RPS6KA2: variants seen among roughly 807,000 people sequenced by gnomAD.
RPS6KA2 encodes ribosomal protein S6 kinase alpha-2.
In RPS6KA2, 42 loss-of-function variants were observed where a neutral mutation model predicts 91.8. The ratio of observed to expected loss-of-function variants is 0.46; its 90% CI spans 0.36 to 0.59. RPS6KA2 has a LOEUF of 0.59. RPS6KA2 is among the 20% of genes least tolerant of loss of function. The pLI is 0.00. For missense variants in RPS6KA2, 798 were observed against 978.5 expected, an observed-to-expected ratio of 0.82 and a Z score of 2.46; for synonymous variants, 414 against 393.6, an observed-to-expected ratio of 1.05 and a Z score of -0.61.
intron 2 of RPS6KA2, chr6:166,857,951 T>C (rs1780950386): frequency 1.3e-5 from 7 of 527,588 alleles, no homozygotes; most frequent in South Asian, 2.8e-5. Flanking sequence ...CCATGAACTT[T>C]ACCTCGATGG....
At chr6:166,702,751 G>C (rs1184408064) in intron 2 of RPS6KA2, 1 of 1,230,642 alleles carries the variant, frequency 8.1e-7, no homozygotes, top group South Asian at 1.2e-5. Context: ...GAAGGGTCCC[G>C]ACACGGGGAT....
intron 4 of RPS6KA2, 110 bp downstream of exon 4, chr6:166,510,167 G>A: frequency 1.5e-6 from 1 of 660,052 alleles, no homozygotes; most frequent in Non-Finnish European, 2.7e-6. Context: ...GGACTCTATG[G>A]TATAGGAAAG....
At chr6:166,558,397 G>A (rs937883368) in intron 1 of RPS6KA2, among the ~76,000 whole-genome samples, 9 of 152,136 alleles carry the variant, frequency 5.9e-5, no homozygotes, top group Non-Finnish European at 1.2e-4. Flanking sequence ...CCGTATCTAG[G>A]GGGCAACTGC....
At chr6:166,485,996 C>A (rs1171988150) in intron 10 of RPS6KA2, among the ~76,000 whole-genome samples, 3 of 152,166 alleles carry the variant, frequency 2.0e-5, no homozygotes, top group Non-Finnish European at 4.4e-5. Context: ...ACTGTGTAAC[C>A]GTGGGTGTGC....
intron 2 of RPS6KA2, among the ~76,000 whole-genome samples, chr6:166,750,572 G>C (rs769488082): frequency 6.6e-6 from 1 of 152,208 alleles, no homozygotes; most frequent in Admixed American, 6.5e-5. Flanking sequence ...CTGTCACAAC[G>C]GGGGTTTCTG....
chr6:166,856,198 C>G (rs1780898650), intron 2 of RPS6KA2, among the ~76,000 whole-genome samples: 1 of 152,138 alleles, frequency 6.6e-6, no homozygotes. Flanking sequence ...TGTTAAAATC[C>G]TAGCAATAAA....
intron 2 of RPS6KA2, among the ~76,000 whole-genome samples, chr6:166,833,719 G>A (rs909857563): frequency 3.3e-5 from 5 of 152,184 alleles, no homozygotes; most frequent in African/African-American, 9.7e-5. Context: ...TTGCAGAGAA[G>A]TGTCCCAAGT....
chr6:166,508,076 C>A lies in RPS6KA2; in HGVS notation c.459+127G>T. The A allele has an allele frequency of 1.6e-6, 1 of 632,880 alleles. No individual in the cohort carries two copies. The highest frequency in any genetic ancestry group is 1.9e-5 in the South Asian group (1 of 53,582). 39.2% of individuals were successfully genotyped at this position (632,880 alleles called of 1,614,324 possible). On this transcript the variant is annotated intron_variant, in intron 5 of 20. Transcript: ENST00000265678. This position sits in a 1 kb window ranked among gnomAD's most constrained non-coding sequence, Gnocchi z 4.3. ...TCTTGCACACACTCACACATGCACA[C>A]ACCCCCACACACACACACGCACTCT...
rs531780520 is a variant in RPS6KA2, at chr6:166,710,519, GTGT to G, written c.123+147678_123+147680del. On this transcript the variant is annotated intron_variant, in intron 2 of 21. Coordinates refer to the RPS6KA2 transcript ENST00000503859. ...GTGTGTGTGTGTGTGTGGTGTGTGT[GTGT>G]TATGTGTGGTGTGTATGTGTGTTTG... Among the ~76,000 whole-genome samples, 306 of 147,972 alleles carry G rather than the reference GTGT, an allele frequency of 2.1e-3. 1 individual carries two copies. The highest frequency in any genetic ancestry group is 7.0e-3 in the African/African-American group (289 of 41,200).
intron 1 of RPS6KA2, among the ~76,000 whole-genome samples, chr6:166,575,912 T>A (rs1310150326): frequency 6.6e-6 from 1 of 152,130 alleles, no homozygotes; most frequent in African/African-American, 2.4e-5. Flanking sequence ...GGTGATATGG[T>A]TTGGTTCTGT....
chr6:166,824,681 GTCTACATGTGTGTC>G (rs1779991320), intron 2 of RPS6KA2, among the ~76,000 whole-genome samples: 1 of 149,336 alleles, frequency 6.7e-6, no homozygotes, highest in Admixed American at 6.7e-5. Flanking sequence ...GTGTCTGTGT[GTCTACATGTGTGTC>G]TGTGTCTGTG....
intron 14 of RPS6KA2, among the ~76,000 whole-genome samples, chr6:166,436,899 C>T (rs371568894): frequency 4.8e-4 from 73 of 152,242 alleles, no homozygotes; most frequent in South Asian, 8.3e-4. Context: ...TCCCCTGACC[C>T]GGGAGAATTA....
chr6:166,488,104 T>C (rs531366142), intron 10 of RPS6KA2, among the ~76,000 whole-genome samples: 1 of 152,218 alleles, frequency 6.6e-6, no homozygotes, highest in South Asian at 2.1e-4. Context: ...AAAAACAGAA[T>C]TTAATGTGTT....
At chr6:166,579,430 G>A (rs1784939102) in intron 1 of RPS6KA2, among the ~76,000 whole-genome samples, 1 of 152,122 alleles carries the variant, frequency 6.6e-6, no homozygotes, top group Admixed American at 6.5e-5. Context: ...ATGCAAGAAT[G>A]TCATGCTTCC....
chr6:166,458,250 G>A (rs1057010354), intron 12 of RPS6KA2, among the ~76,000 whole-genome samples: 8 of 152,198 alleles, frequency 5.3e-5, no homozygotes, highest in African/African-American at 1.9e-4. Flanking sequence ...CCTGGTGGGA[G>A]ATGACTGAAT....
chr6:166,632,454 AAT>A (rs1787107276), intron 2 of RPS6KA2, among the ~76,000 whole-genome samples: 1 of 152,008 alleles, frequency 6.6e-6, no homozygotes, highest in Admixed American at 6.5e-5. Flanking sequence ...CTCTACTAAA[AAT>A]ACAAAATTAG....
chr6:166,461,901 C>A (rs1230048673), intron 11 of RPS6KA2, among the ~76,000 whole-genome samples: 1 of 152,108 alleles, frequency 6.6e-6, no homozygotes, highest in South Asian at 2.1e-4. Flanking sequence ...ATCCCCAGAG[C>A]CTGGTGCCCA....
chr6:166,537,597 T>G (rs1025879751), intron 2 of RPS6KA2, among the ~76,000 whole-genome samples: 2 of 151,910 alleles, frequency 1.3e-5, no homozygotes, highest in African/African-American at 4.8e-5. Context: ...CGATGTACTA[T>G]TCATTCCATC....
In RPS6KA2 at chr6:166,459,197, C is replaced by T. The variant is rs9295347; in HGVS notation, c.1075+252G>A. Reference sequence around the variant, plus strand: ...TCTCTGACACAGGAAGTAACTGGACCGGTGTCTTGGAATAAGGATACCTTC... The same window carrying T: ...TCTCTGACACAGGAAGTAACTGGACTGGTGTCTTGGAATAAGGATACCTTC... On this transcript the variant is annotated intron_variant, in intron 12 of 20. Coordinates refer to ENST00000265678, the MANE Select transcript of RPS6KA2 (RefSeq NM_021135.6). This position sits in a 1 kb window ranked among gnomAD's most constrained non-coding sequence, Gnocchi z 4.9. Among the ~76,000 whole-genome samples, 1,320 of 152,226 alleles carry T rather than the reference C, an allele frequency of 8.7e-3. 19 individuals are homozygous for T. The highest frequency in any genetic ancestry group is 0.03 in the African/African-American group (1,260 of 41,524).
Sources: allele counts gnomAD v4.1 joint callset (sites outside exome capture counted in the v4.1 genomes callset), GRCh38; gene constraint gnomAD v4.1.1; non-coding constraint Gnocchi (gnomAD v3.1); transcripts MANE v1.5; gene names NCBI Gene and HGNC (gene_info 2026-07-23, HGNC 2026-07-21).